The following TOR1AIP1 variants were observed in gnomAD, a reference collection of about 807,000 sequenced individuals.
The protein encoded by TOR1AIP1 is torsin 1A interacting protein 1.
TOR1AIP1 carries 54 observed loss-of-function variants against 63.3 expected under a neutral mutation model. The observed-to-expected ratio is 0.85, with a 90% CI of 0.69 to 1.07. The LOEUF is 1.07. Among genes scored for constraint, TOR1AIP1 ranks in the 50% least tolerant of loss-of-function variants. The pLI, the probability that TOR1AIP1 is intolerant of heterozygous loss-of-function variation, is 0.00. For synonymous variants in TOR1AIP1, 294 were observed against 273.5 expected, an observed-to-expected ratio of 1.07 and a Z score of -0.74; for missense variants, 736 against 715.0, an observed-to-expected ratio of 1.03 and a Z score of -0.33.
intron 8 of TOR1AIP1, among the ~76,000 whole-genome samples, chr1:179,910,166 T>C (rs1305189642): frequency 6.6e-6 from 1 of 152,240 alleles, no homozygotes; most frequent in African/African-American, 2.4e-5. Flanking sequence ...CTATAATTTC[T>C]ATGGAAATGC....
chr1:179,907,307 T>A (rs937848368), intron 6 of TOR1AIP1, among the ~76,000 whole-genome samples: 5 of 150,946 alleles, frequency 3.3e-5, no homozygotes, highest in Non-Finnish European at 5.9e-5. Context: ...TGCACACCTG[T>A]AATCCCAAGT....
chr1:179,917,746 A>T lies in TOR1AIP1; in HGVS notation c.1259A>T (p.Glu420Val). The change falls in exon 10 of 10, where the codon GAA becomes GTA. Residue 420 changes from glutamate (E) to valine (V), a missense_variant. Physicochemically the swap from Glu to Val is moderately radical, Grantham distance 121 (BLOSUM62 -2). This residue lies in a region of TOR1AIP1 where 272 missense variants were observed against 344.1 expected (regional missense o/e 0.79). Coordinates refer to ENST00000606911, the MANE Select transcript of TOR1AIP1 (RefSeq NM_015602.4). ...CTCACTGCTGCCCGAGATGCTGAAG[A>T]AGCACTTAGGTGTCTGAGTGAACAA... is the stretch of plus-strand genomic sequence containing the variant. Reference protein sequence around the residue: ...LLLTAARDAEEALRCLSEQIA... With the variant: ...LLLTAARDAEVALRCLSEQIA... 1.2e-6 allele frequency: 2 copies of T among 1,614,220 alleles called. No individual in the cohort carries two copies. The highest frequency in any genetic ancestry group is 1.7e-6 in the Non-Finnish European group (2 of 1,180,042).
rs1283716599 is a variant in TOR1AIP1 at position 179,884,702 on chromosome 1, A to G, written c.486A>G (p.Ala162=). 1.9e-6 allele frequency: 3 copies of G among 1,610,490 alleles called. No homozygotes were observed. The highest frequency in any genetic ancestry group is 1.1e-5 in the South Asian group (1 of 90,346). Residue 162 remains alanine, a synonymous_variant, in exon 2 of 10, where the codon GCA becomes GCG. Coordinates refer to ENST00000606911, the MANE Select transcript of TOR1AIP1 (RefSeq NM_015602.4). ...ATGTCTGTTTTTTAGAGGATGAAGC[A>G]TCTTCCCAAACTGATTTAAGCCAAA... ...RDSHSSEEDE[A]SSQTDLSQTI...
chr1:179,905,399 A>G (rs1460890613), intron 6 of TOR1AIP1, among the ~76,000 whole-genome samples: 2 of 150,802 alleles, frequency 1.3e-5, no homozygotes, highest in African/African-American at 5.0e-5. Flanking sequence ...AGAAAAAAAG[A>G]AAAAGCCTTT....
rs561049669 is a variant in TOR1AIP1 at position 179,894,035 on chromosome 1, G to A, written c.610+4666G>A. Among the ~76,000 whole-genome samples, 6 of 151,774 alleles carry A rather than the reference G, an allele frequency of 4.0e-5. No individual in the cohort carries two copies. The South Asian group carries it at 1.0e-3, about 26-fold the overall frequency. The stretch of plus-strand genomic sequence containing the variant: ...TCCCAGCACTTTGGGAGGCAGAGGC[G>A]GGCGGATCACGAGGTCAGGAGATTG... On this transcript the variant is annotated intron_variant, in intron 3 of 9. Transcript: ENST00000606911.
intron 2 of TOR1AIP1, 43 bp from the exon 3 acceptor site, chr1:179,889,270 C>A: frequency 1.4e-6 from 2 of 1,468,672 alleles, no homozygotes; most frequent in Non-Finnish European, 9.4e-7. Flanking sequence ...GTATGTTTCA[C>A]ATTTTATATA....
In TOR1AIP1 at chr1:179,884,669, C is replaced by A. The variant is rs757086644; in HGVS notation, c.476-23C>A. 3.8e-6 allele frequency: 6 copies of A among 1,586,070 alleles called. No individual in the cohort carries two copies. In the South Asian group the frequency reaches 6.9e-5, roughly 18 times the overall value. On this transcript the variant is annotated intron_variant, in intron 1 of 9. Coordinates refer to ENST00000606911, the MANE Select transcript of TOR1AIP1 (RefSeq NM_015602.4). ...CCAGGTCATATATTCTGAATTTTAA[C>A]TCTTGTTATGTCTGTTTTTTAGAGG...
chr1:179,910,386 G>A lies in TOR1AIP1; in HGVS notation c.907+1713G>A, dbSNP rs74778614. Reference sequence around the variant, plus strand: ...ACTGTAATTGGACCAAATGACATGCGTGGCTCTGCTTTTCCATCAGTAAAG... The same window carrying A: ...ACTGTAATTGGACCAAATGACATGCATGGCTCTGCTTTTCCATCAGTAAAG... On this transcript the variant is annotated intron_variant, in intron 8 of 9. Transcript: ENST00000606911. Among the ~76,000 whole-genome samples the A allele has an allele frequency of 9.5e-3, 1,450 of 152,192 alleles. 22 individuals carry two copies. The highest frequency in any genetic ancestry group is 0.031 in the African/African-American group (1,306 of 41,508).
chr1:179,891,584 G>C (rs1020868136), intron 3 of TOR1AIP1, among the ~76,000 whole-genome samples: 12 of 148,716 alleles, frequency 8.1e-5, no homozygotes, highest in Non-Finnish European at 1.6e-4. Flanking sequence ...TTATTTTCTC[G>C]AGACAGGCTC....
At chr1:179,897,114 A>C (rs1648308386) in intron 3 of TOR1AIP1, among the ~76,000 whole-genome samples, 1 of 152,210 alleles carries the variant, frequency 6.6e-6, no homozygotes, top group Non-Finnish European at 1.5e-5. Context: ...AATACTATTG[A>C]TAAATATTTA....
intron 1 of TOR1AIP1, chr1:179,883,785 C>G (rs1647821474): frequency 4.7e-6 from 2 of 424,328 alleles, no homozygotes; most frequent in Non-Finnish European, 9.6e-6. Context: ...TTAGGTAAGT[C>G]ATAGGTGAAT....
rs753648390 is a variant in TOR1AIP1, at chr1:179,882,639, G to C, written c.137G>C (p.Arg46Thr). Residue 46 changes from arginine (R) to threonine (T), a missense_variant, in exon 1 of 10, where the codon AGA (arginine) becomes ACA (threonine). By Grantham distance (71) the Arg-to-Thr change is moderately conservative. Around this residue, in one of 2 missense-constraint regions of TOR1AIP1, gnomAD observed 464 missense variants for 371.0 expected, o/e 1.25. Transcript: ENST00000606911. ...GGCAGCAGCGATGCGCCTGCGTACAGAACTCCTCCGTCGCGCCAGGGCCGG... is the reference window on the plus strand; with the variant it reads ...GGCAGCAGCGATGCGCCTGCGTACACAACTCCTCCGTCGCGCCAGGGCCGG... Reference protein sequence around the residue: ...NGGSSDAPAYRTPPSRQGRRE... With the variant: ...NGGSSDAPAYTTPPSRQGRRE... 2.5e-6 allele frequency: 4 copies of C among 1,569,272 alleles called. No homozygotes were observed. In the African/African-American group the frequency reaches 5.4e-5, roughly 21 times the overall value.
intron 8 of TOR1AIP1, among the ~76,000 whole-genome samples, chr1:179,909,038 C>T (rs746623067): frequency 1.3e-5 from 2 of 151,814 alleles, no homozygotes; most frequent in African/African-American, 2.4e-5. Flanking sequence ...CTGGGCGTGG[C>T]GGCGGGAGGC....
chr1:179,898,423 G>A (rs1648350407), intron 3 of TOR1AIP1, among the ~76,000 whole-genome samples: 1 of 152,054 alleles, frequency 6.6e-6, no homozygotes, highest in Non-Finnish European at 1.5e-5. Context: ...AAAGCATCTT[G>A]TATTTGCATG....
intron 2 of TOR1AIP1, among the ~76,000 whole-genome samples, chr1:179,888,455 G>A (rs1298167110): frequency 1.3e-5 from 2 of 152,102 alleles, no homozygotes; most frequent in South Asian, 2.1e-4. Context: ...TCAGTATGTT[G>A]CCTAGGCTGG....
chr1:179,889,447 A>G (rs1350611355), intron 3 of TOR1AIP1, 78 bp downstream of exon 3: 14 of 1,256,198 alleles, frequency 1.1e-5, no homozygotes, highest in Non-Finnish European at 1.5e-5. Context: ...ACATGTATTC[A>G]TATGATTCAG....
rs554039492 is a variant in TOR1AIP1 at position 179,909,854 on chromosome 1, C to T, written c.907+1181C>T. Among the ~76,000 whole-genome samples the T allele has an allele frequency of 2.6e-5, 4 of 152,260 alleles. No homozygotes were observed. In the East Asian group the frequency reaches 7.7e-4, roughly 29 times the overall value. ...CTCAGCTCACTGCAGCCTCCGCCTC[C>T]CACATTCAGGTCATTCTTGTGCCTT... On this transcript the variant is annotated intron_variant, in intron 8 of 9. Coordinates refer to ENST00000606911, the MANE Select transcript of TOR1AIP1 (RefSeq NM_015602.4).
At chr1:179,906,739 C>CG (rs1262210312) in intron 6 of TOR1AIP1, among the ~76,000 whole-genome samples, 3 of 139,138 alleles carry the variant, frequency 2.2e-5, no homozygotes, top group Non-Finnish European at 4.7e-5. Context: ...GGTTCCCCCC[C>CG]CCCCTTTTTT....
At chr1:179,896,962 T>C (rs895190650) in intron 3 of TOR1AIP1, among the ~76,000 whole-genome samples, 2 of 152,214 alleles carry the variant, frequency 1.3e-5, no homozygotes, top group Admixed American at 1.3e-4. Flanking sequence ...TCAATAATGA[T>C]TGATTGTCAA....
Sources: allele counts gnomAD v4.1 joint callset (sites outside exome capture counted in the v4.1 genomes callset), GRCh38; gene constraint gnomAD v4.1.1; regional missense constraint gnomAD v4.1.1; transcripts MANE v1.5; gene names NCBI Gene and HGNC (gene_info 2026-07-23, HGNC 2026-07-21).